Variants in COTL1 observed in about 807,000 individuals in gnomAD.
COTL1 encodes the protein coactosin like F-actin binding protein 1, also known as coactosin-like protein.
Under a neutral mutation model 16.5 loss-of-function variants are expected in COTL1, and 15 were observed. That is an observed-to-expected ratio of 0.91 (90% CI 0.61 to 1.40). COTL1 has a LOEUF of 1.40. COTL1 is among the 40% of genes most tolerant of loss of function. The probability of loss-of-function intolerance (pLI) is 0.00; values close to 1 mark genes in which losing one functional copy is unlikely to be tolerated. For synonymous variants in COTL1, 112 were observed against 85.3 expected (o/e 1.31, Z -1.73); for missense variants, 220 against 201.5 (o/e 1.09, Z -0.56).
At chr16:84,599,171 C>G (rs1335003979) in intron 2 of COTL1, among the ~76,000 whole-genome samples, 1 of 151,090 alleles carries the variant, frequency 6.6e-6, no homozygotes, top group African/African-American at 2.4e-5. Flanking sequence ...GTGTTCTCAC[C>G]AGGGCGGCCC....
At chr16:84,584,093 C>T (rs779045733) in intron 3 of COTL1, among the ~76,000 whole-genome samples, 1 of 152,208 alleles carries the variant, frequency 6.6e-6, no homozygotes, top group Non-Finnish European at 1.5e-5. Context: ...CACAATCCTG[C>T]AGAGACACGA....
chr16:84,583,667 C>A (rs1161612125), intron 3 of COTL1, among the ~76,000 whole-genome samples: 1 of 152,066 alleles, frequency 6.6e-6, no homozygotes, highest in Non-Finnish European at 1.5e-5. Flanking sequence ...ACTATGTTGA[C>A]CAGGCTGGTC....
intron 3 of COTL1, among the ~76,000 whole-genome samples, chr16:84,586,651 G>A (rs756529439): frequency 6.6e-6 from 1 of 151,820 alleles, no homozygotes; most frequent in African/African-American, 2.4e-5. Flanking sequence ...CTGCAATCTC[G>A]GCTCAGTCTC....
intron 2 of COTL1, among the ~76,000 whole-genome samples, chr16:84,608,703 C>T (rs899750622): frequency 2.6e-4 from 39 of 152,138 alleles, no homozygotes; most frequent in African/African-American, 9.2e-4. Flanking sequence ...CCCAGGAGTT[C>T]GAGACCTGCC....
At chr16:84,592,352 G>A (rs1904890979) in intron 2 of COTL1, among the ~76,000 whole-genome samples, 1 of 152,148 alleles carries the variant, frequency 6.6e-6, no homozygotes, top group African/African-American at 2.4e-5. Flanking sequence ...CTGGTTTGGA[G>A]TCATTCACCT....
chr16:84,571,410 AG>A (rs1311828695), intron 3 of COTL1, among the ~76,000 whole-genome samples: 3 of 152,138 alleles, frequency 2.0e-5, no homozygotes, highest in Admixed American at 2.0e-4. Context: ...TCAATTCAGA[AG>A]GGGAAACTGA....
intron 2 of COTL1, among the ~76,000 whole-genome samples, chr16:84,610,782 C>T (rs903158086): frequency 6.6e-6 from 1 of 152,154 alleles, no homozygotes. Context: ...GGGTTAAACA[C>T]TACTGGCTGA....
intron 2 of COTL1, among the ~76,000 whole-genome samples, chr16:84,599,464 G>T (rs117740992): frequency 2.6e-5 from 4 of 152,182 alleles, no homozygotes; most frequent in Non-Finnish European, 5.9e-5. Context: ...ACTTTTTAGC[G>T]TAAGTCCTTT....
intron 2 of COTL1, among the ~76,000 whole-genome samples, chr16:84,613,619 T>C (rs1277065342): frequency 6.6e-6 from 1 of 151,980 alleles, no homozygotes; most frequent in East Asian, 1.9e-4. Context: ...AGTGACTTGA[T>C]TAGAAATGTA....
At chr16:84,597,689 C>A (rs543141815) in intron 2 of COTL1, among the ~76,000 whole-genome samples, 30 of 152,312 alleles carry the variant, frequency 2.0e-4, no homozygotes, top group African/African-American at 7.0e-4. Context: ...ACAAAGGTCT[C>A]AAGGACAGAA....
chr16:84,612,505 G>A (rs748308285), intron 2 of COTL1, among the ~76,000 whole-genome samples: 6 of 151,906 alleles, frequency 3.9e-5, no homozygotes, highest in South Asian at 2.1e-4. Context: ...ATTTGAGGCC[G>A]GGCGCGGTGG....
chr16:84,583,124 C>T (rs979687744), intron 3 of COTL1, among the ~76,000 whole-genome samples: 7 of 152,310 alleles, frequency 4.6e-5, no homozygotes, highest in Admixed American at 3.9e-4. Context: ...GTGAAGTGGC[C>T]GTGTCGGGGC....
At chr16:84,582,115 G>A (rs1392613903) in intron 3 of COTL1, among the ~76,000 whole-genome samples, 2 of 150,934 alleles carry the variant, frequency 1.3e-5, no homozygotes, top group Non-Finnish European at 2.9e-5. Flanking sequence ...AGCCTCCTGA[G>A]TAGCTGGTAG....
Position 84,590,847 on chromosome 16 carries a change from G to A in COTL1, c.161-585C>T, listed in dbSNP as rs1904844407. On this transcript the variant is annotated intron_variant, in intron 2 of 3. Coordinates refer to ENST00000262428, the MANE Select transcript of COTL1 (RefSeq NM_021149.5). The surrounding 1 kb of genome is among the most constrained non-coding windows in gnomAD (Gnocchi z 5.5). The stretch of plus-strand genomic sequence containing the variant: ...ACTGTAGAGAGACAGGAGGGGCAAG[G>A]GGGGTGCTGGGTATGAAGAGGAAAC... 6.6e-6 allele frequency among the ~76,000 whole-genome samples: 1 copy of A among 151,660 alleles called. No homozygotes were observed.
chr16:84,599,683 G>A (rs1432278060), intron 2 of COTL1, among the ~76,000 whole-genome samples: 1 of 152,202 alleles, frequency 6.6e-6, no homozygotes, highest in East Asian at 1.9e-4. Flanking sequence ...TTGCCCCAGA[G>A]AGCGGCAAGA....
intron 3 of COTL1, among the ~76,000 whole-genome samples, chr16:84,583,216 G>A (rs1410860651): frequency 1.3e-5 from 2 of 152,110 alleles, no homozygotes; most frequent in African/African-American, 2.4e-5. Flanking sequence ...CAGCTTCTTC[G>A]GATCCCAAGC....
rs1399095172 is a variant in COTL1, at chr16:84,565,869, C to G, written c.*976G>C. 2 of 152,302 alleles carry G rather than the reference C, an allele frequency of 1.3e-5. No individual in the cohort carries two copies. Among genetic ancestry groups the G allele is most frequent in the East Asian group, 3.8e-4 (2 of 5,200 alleles). The allele number at this position is 152,302 out of a possible 1,614,324, so 9.4% of individuals were successfully genotyped here. On this transcript the variant is annotated 3_prime_UTR_variant, in exon 4 of 4. Transcript: ENST00000262428. ...TGTGAGCCCAGGGCTTTGCTCAGCT[C>G]ACAGCTAGCGCGGCGGGCAGAGCAA...
Position 84,617,999 on chromosome 16 carries a change from C to G in COTL1, c.-85G>C. The G allele has an allele frequency of 1.1e-6, 1 of 887,124 alleles. No individual in the cohort carries two copies. Among genetic ancestry groups the G allele is most frequent in the Non-Finnish European group, 1.5e-6 (1 of 677,622 alleles). 55.0% of individuals were successfully genotyped at this position (887,124 alleles called of 1,614,324 possible). A position where few individuals can be genotyped will look rare whatever the true frequency, so the allele number is the denominator to read the frequency against. ...CGGGGATGGGAGCGCGGCGGGTACG[C>G]GCCGAGGGCGCACGGGCTGGCGGCG... is the stretch of plus-strand genomic sequence containing the variant. On this transcript the variant is annotated 5_prime_UTR_variant, in exon 1 of 4. Transcript: ENST00000262428.
intron 2 of COTL1, among the ~76,000 whole-genome samples, chr16:84,606,783 G>T (rs1290679495): frequency 1.3e-5 from 2 of 152,286 alleles, no homozygotes; most frequent in African/African-American, 4.8e-5. Flanking sequence ...GCCTCCCAGG[G>T]CTGCACCCTC....
Sources: allele counts gnomAD v4.1 joint callset (sites outside exome capture counted in the v4.1 genomes callset), GRCh38; gene constraint gnomAD v4.1.1; non-coding constraint Gnocchi (gnomAD v3.1); transcripts MANE v1.5; gene names NCBI Gene and HGNC (gene_info 2026-07-23, HGNC 2026-07-21).